Variants in NDST3 observed in about 807,000 individuals in gnomAD.
NDST3 encodes the protein N-deacetylase and N-sulfotransferase 3, also known as bifunctional heparan sulfate N-deacetylase/N-sulfotransferase 3.
In NDST3, 58 loss-of-function variants were observed where a neutral mutation model predicts 96.1. That is an observed-to-expected ratio of 0.60 (90% CI 0.49 to 0.75). The LOEUF (loss-of-function observed/expected upper bound fraction) is 0.75. Ranked by LOEUF, NDST3 falls within the 30% of genes least tolerant of loss-of-function variation. NDST3 has a pLI of 0.00. For missense variants in NDST3, 788 were observed against 1,034.2 expected, an observed-to-expected ratio of 0.76 and a Z score of 3.27; for synonymous variants, 333 against 359.7, an observed-to-expected ratio of 0.93 and a Z score of 0.84.
intron 6 of NDST3, among the ~76,000 whole-genome samples, chr4:118,163,580 A>G (rs1388064238): frequency 6.6e-6 from 1 of 151,862 alleles, no homozygotes; most frequent in African/African-American, 2.4e-5. Context: ...GAAGGGGAAC[A>G]TTACACTCTG....
At position 118,172,755 on chromosome 4, in the gene NDST3, CCTAT is replaced by C. The variant is rs137904221; in HGVS notation, c.1539+29075_1539+29078del. Among the ~76,000 whole-genome samples the C allele has an allele frequency of 8.2e-3, 1,252 of 152,058 alleles. 8 individuals carry two copies. The highest frequency in any genetic ancestry group is 0.014 in the Non-Finnish European group (948 of 67,976). ...GAGTTCTTAGCAAAGAATGATTATT[CCTAT>C]CTAATTATGTATTAACATTTATATG... On this transcript the variant is annotated intron_variant, in intron 6 of 13. Coordinates refer to ENST00000296499, the MANE Select transcript of NDST3 (RefSeq NM_004784.3).
At chr4:118,156,526 C>G (rs1734722676) in intron 6 of NDST3, among the ~76,000 whole-genome samples, 1 of 152,136 alleles carries the variant, frequency 6.6e-6, no homozygotes, top group Non-Finnish European at 1.5e-5. Context: ...AATGTGTTTC[C>G]CATGACTTCC....
At chr4:118,152,748 T>TG (rs1734482194) in intron 6 of NDST3, among the ~76,000 whole-genome samples, 1 of 152,230 alleles carries the variant, frequency 6.6e-6, no homozygotes, top group African/African-American at 2.4e-5. Flanking sequence ...AAAAAAGTGC[T>TG]GCTTGTTTAC....
Position 118,253,589 on chromosome 4 carries a change from A to G in NDST3, c.2490A>G (p.Pro830=). The change falls in exon 13 of 14, where the codon CCA becomes CCG. Residue 830 remains proline (P), a synonymous_variant. Coordinates refer to ENST00000296499, the MANE Select transcript of NDST3 (RefSeq NM_004784.3). ...LGKSKGRKYP[P]MDSDSRTFLS... ...AGAGCAAAGGAAGAAAATACCCTCC[A>G]ATGGATTCTGATGTAAGCATAGACC... The G allele has an allele frequency of 6.2e-7, 1 of 1,608,882 alleles. No homozygotes were observed. Among genetic ancestry groups the G allele is most frequent in the Non-Finnish European group, 8.5e-7 (1 of 1,175,930 alleles).
At chr4:118,125,133 G>T (rs996706006) in intron 4 of NDST3, among the ~76,000 whole-genome samples, 9 of 152,060 alleles carry the variant, frequency 5.9e-5, no homozygotes, top group African/African-American at 1.9e-4. Flanking sequence ...CTAATTACAT[G>T]GTGGGACTTC....
In NDST3 at chr4:118,085,853, G is replaced by A. The variant is rs79450628; in HGVS notation, c.982-19165G>A. ...TCTGTCAACCTGTTTAGCTTTCCCT[G>A]GGAGTTCAATCATCGTATGGGCTTT... On this transcript the variant is annotated intron_variant, in intron 2 of 13. Coordinates refer to ENST00000296499, the MANE Select transcript of NDST3 (RefSeq NM_004784.3). Among the ~76,000 whole-genome samples, 4 of 152,270 alleles carry A rather than the reference G, an allele frequency of 2.6e-5. No individual in the cohort carries two copies. The East Asian group carries it at 7.7e-4, about 29-fold the overall frequency.
In NDST3 at chr4:118,240,590, C is replaced by T. The variant is rs752103262; in HGVS notation, c.2185C>T (p.Pro729Ser). The T allele has an allele frequency of 3.7e-6, 6 of 1,613,840 alleles. No individual in the cohort carries two copies. The highest frequency in any genetic ancestry group is 1.1e-5 in the South Asian group (1 of 91,052). The change falls in exon 11 of 14, where the codon CCC becomes TCC. Residue 729 changes from proline (P) to serine (S), a missense_variant. Physicochemically the swap from Pro to Ser is moderately conservative, Grantham distance 74 (BLOSUM62 -1). This residue lies in a region of NDST3 where 490 missense variants were observed against 708.8 expected (regional missense o/e 0.69). Coordinates refer to ENST00000296499, the MANE Select transcript of NDST3 (RefSeq NM_004784.3). ...CTTCTACGAAGTGATCTCAGCAGGGCCCCGTGCACCCTCGGAGCTCAGAGC... is the reference window on the plus strand; with the variant it reads ...CTTCTACGAAGTGATCTCAGCAGGGTCCCGTGCACCCTCGGAGCTCAGAGC... ...FSFYEVISAGPRAPSELRALQ... is the reference protein window; with the variant it reads ...FSFYEVISAGSRAPSELRALQ...
chr4:118,070,648 T>C (rs1726981714), intron 2 of NDST3, among the ~76,000 whole-genome samples: 1 of 97,156 alleles, frequency 1.0e-5, no homozygotes, highest in South Asian at 2.5e-4. Flanking sequence ...TCAACCATTC[T>C]TTTTTTTTTT....
intron 1 of NDST3, among the ~76,000 whole-genome samples, chr4:118,040,891 A>T (rs1054369021): frequency 8.3e-5 from 12 of 144,276 alleles, no homozygotes; most frequent in Admixed American, 4.9e-4. Flanking sequence ...ATTTATATAT[A>T]TATATATTTA....
At chr4:118,255,500 C>T in intron 13 of NDST3, 93 bp from the exon 14 acceptor site, 2 of 1,268,590 alleles carry the variant, frequency 1.6e-6, no homozygotes, top group Non-Finnish European at 2.2e-6. Flanking sequence ...TAATCCAGAT[C>T]TGGTATACTT....
At chr4:118,037,318 A>C (rs1724205948) in intron 1 of NDST3, among the ~76,000 whole-genome samples, 1 of 152,210 alleles carries the variant, frequency 6.6e-6, no homozygotes. Flanking sequence ...TGTACCAGGC[A>C]CTGTTCTACT....
chr4:118,227,010 G>A (rs752112617), intron 8 of NDST3, 28 bp downstream of exon 8: 18 of 1,485,414 alleles, frequency 1.2e-5, no homozygotes, highest in East Asian at 4.5e-5. Flanking sequence ...TATGATTAAC[G>A]AGTGTAAATT....
chr4:118,227,136 ACCTAAATG>A (rs1175501425), intron 8 of NDST3, among the ~76,000 whole-genome samples, 154 bp downstream of exon 8: 1 of 152,156 alleles, frequency 6.6e-6, no homozygotes, highest in African/African-American at 2.4e-5. Context: ...CCAGTAATAT[ACCTAAATG>A]CTTATCGAAG....
chr4:118,199,723 C>T (rs1465556412), intron 6 of NDST3, among the ~76,000 whole-genome samples: 1 of 152,066 alleles, frequency 6.6e-6, no homozygotes, highest in Non-Finnish European at 1.5e-5. Context: ...TCCAGATATT[C>T]AAAAGGACTT....
chr4:118,043,458 A>T (rs561049969), intron 1 of NDST3, among the ~76,000 whole-genome samples: 2 of 152,368 alleles, frequency 1.3e-5, no homozygotes, highest in East Asian at 3.9e-4. Flanking sequence ...AATTATGGCA[A>T]TAAGTACAAA....
chr4:118,162,286 T>C (rs892730104), intron 6 of NDST3, among the ~76,000 whole-genome samples: 5 of 152,152 alleles, frequency 3.3e-5, no homozygotes, highest in Admixed American at 2.0e-4. Flanking sequence ...AGAGCCCTCA[T>C]TGCCAAGTCA....
chr4:118,217,579 A>G (rs901767553), intron 6 of NDST3, among the ~76,000 whole-genome samples: 1 of 152,068 alleles, frequency 6.6e-6, no homozygotes, highest in African/African-American at 2.4e-5. Flanking sequence ...GCCCTATATA[A>G]AAATAAACTG....
chr4:118,081,774 A>T (rs774491896), intron 2 of NDST3, among the ~76,000 whole-genome samples: 2 of 152,190 alleles, frequency 1.3e-5, no homozygotes, highest in Non-Finnish European at 2.9e-5. Flanking sequence ...TATACCTGCC[A>T]GTAAATTAAC....
intron 5 of NDST3, among the ~76,000 whole-genome samples, chr4:118,142,666 T>C (rs1470494550): frequency 2.0e-5 from 3 of 152,138 alleles, no homozygotes; most frequent in Non-Finnish European, 4.4e-5. Flanking sequence ...CTCTGAAGTA[T>C]ACTCATTAAT....
Sources: allele counts gnomAD v4.1 joint callset (sites outside exome capture counted in the v4.1 genomes callset), GRCh38; gene constraint gnomAD v4.1.1; regional missense constraint gnomAD v4.1.1; transcripts MANE v1.5; gene names NCBI Gene and HGNC (gene_info 2026-07-23, HGNC 2026-07-21).